PIGU: variants seen among roughly 807,000 people sequenced by gnomAD.
PIGU encodes the protein GPI-anchor transamidase component PIGU.
Under a neutral mutation model 49.9 loss-of-function variants are expected in PIGU, and 24 were observed. The observed-to-expected ratio is 0.48, with a 90% CI of 0.35 to 0.68. The LOEUF is 0.68. PIGU is among the 30% of genes least tolerant of loss of function. PIGU has a pLI of 0.01. For synonymous variants in PIGU, 220 were observed against 205.7 expected (o/e 1.07, Z -0.59); for missense variants, 490 against 532.6 (o/e 0.92, Z 0.79).
Position 34,650,462 on chromosome 20 carries a change from G to A in PIGU, c.196-5128C>T, listed in dbSNP as rs568738411. Among the ~76,000 whole-genome samples the A allele has an allele frequency of 8.6e-5, 13 of 151,554 alleles. No individual in the cohort carries two copies. The South Asian group carries it at 2.1e-3, about 24-fold the overall frequency. On this transcript the variant is annotated intron_variant, in intron 2 of 11. Coordinates refer to ENST00000217446, the MANE Select transcript of PIGU (RefSeq NM_080476.5). ...GTTTTTGTATTTTTGGTAGATACAG[G>A]GTTTCACCATGTTGGCCAGGCTGGT...
In PIGU at chr20:34,616,075, G is replaced by A; in HGVS notation, c.594C>T (p.Thr198=). Residue 198 remains threonine, a synonymous_variant, in exon 7 of 12, where the codon ACC becomes ACT. Coordinates refer to ENST00000217446, the MANE Select transcript of PIGU (RefSeq NM_080476.5). ...LATYQSLYPL[T]LFVPGLLYLL... ...GATAGAGGAGTCCTGGGACAAACAA[G>A]GTGAGTGGGTACAGAGACTGGTATG... 1 of 1,612,778 alleles carries A rather than the reference G, an allele frequency of 6.2e-7. No homozygotes were observed.
chr20:34,665,223 A>ATTTTTT (rs1987050840), intron 1 of PIGU, among the ~76,000 whole-genome samples: 1 of 21,374 alleles, frequency 4.7e-5, no homozygotes, highest in African/African-American at 1.7e-4. Flanking sequence ...TTTTTTTTTG[A>ATTTTTT]GACTGAGTCT....
At chr20:34,607,354 G>C (rs185941883) in intron 7 of PIGU, among the ~76,000 whole-genome samples, 133 of 152,262 alleles carry the variant, frequency 8.7e-4, no homozygotes, top group African/African-American at 3.0e-3. Flanking sequence ...AAAAACCCCA[G>C]GCTCCACTGG....
At chr20:34,585,342 G>C in intron 9 of PIGU, 95 bp downstream of exon 9, 1 of 1,405,624 alleles carries the variant, frequency 7.1e-7, no homozygotes, top group South Asian at 1.3e-5. Flanking sequence ...CTGACAGCAG[G>C]TGCTCCACAT....
chr20:34,637,679 T>C (rs1405542293), intron 5 of PIGU, among the ~76,000 whole-genome samples, 197 bp downstream of exon 5: 1 of 152,200 alleles, frequency 6.6e-6, no homozygotes, highest in African/African-American at 2.4e-5. Context: ...TGTGAGTCTT[T>C]GTCCCAAGAG....
At chr20:34,583,416 C>A (rs1183151282) in intron 9 of PIGU, among the ~76,000 whole-genome samples, 3 of 152,206 alleles carry the variant, frequency 2.0e-5, no homozygotes, top group Admixed American at 1.3e-4. Context: ...GCACTGGAAA[C>A]AAATCTTGCA....
intron 1 of PIGU, among the ~76,000 whole-genome samples, chr20:34,658,522 A>G (rs6142214): frequency 0.44 from 65,748 of 149,718 alleles, 14,968 homozygotes; most frequent in Admixed American, 0.58. Flanking sequence ...CTCTCTGCCC[A>G]GCCGCCATCC....
intron 7 of PIGU, among the ~76,000 whole-genome samples, chr20:34,589,417 G>A (rs753598392): frequency 1.3e-5 from 2 of 152,188 alleles, no homozygotes; most frequent in African/African-American, 2.4e-5. Flanking sequence ...GCAGTGGCAC[G>A]ATCTCGGCTC....
intron 11 of PIGU, among the ~76,000 whole-genome samples, chr20:34,565,125 C>T (rs1982689372): frequency 6.6e-6 from 1 of 152,198 alleles, no homozygotes; most frequent in Non-Finnish European, 1.5e-5. Flanking sequence ...GCGAGTTGGG[C>T]AAGGGGCTGT....
rs544384361 is a variant in PIGU at position 34,624,586 on chromosome 20, T to C, written c.530-8447A>G. Among the ~76,000 whole-genome samples, 21 of 152,340 alleles carry C rather than the reference T, an allele frequency of 1.4e-4. No homozygotes were observed. The South Asian group carries it at 3.7e-3, about 27-fold the overall frequency. ...ATATCTCGCTGTTGACAAACACCAATGGTGAAAAAGCAGGACCATCTATTA... is the reference window on the plus strand; with the variant it reads ...ATATCTCGCTGTTGACAAACACCAACGGTGAAAAAGCAGGACCATCTATTA... On this transcript the variant is annotated intron_variant, in intron 6 of 11. Transcript: ENST00000217446.
At chr20:34,569,199 G>C (rs1436429173) in intron 11 of PIGU, among the ~76,000 whole-genome samples, 5 of 151,622 alleles carry the variant, frequency 3.3e-5, no homozygotes, top group Non-Finnish European at 4.4e-5. Context: ...GCAAGACCCT[G>C]TCTCAAAAAG....
At chr20:34,628,455 T>C (rs189300727) in intron 6 of PIGU, among the ~76,000 whole-genome samples, 2 of 152,300 alleles carry the variant, frequency 1.3e-5, no homozygotes, top group East Asian at 1.9e-4. Flanking sequence ...TTAATTGTAA[T>C]ATTTAAACAG....
chr20:34,656,905 C>T (rs895951483), intron 2 of PIGU, among the ~76,000 whole-genome samples: 1 of 152,130 alleles, frequency 6.6e-6, no homozygotes, highest in Non-Finnish European at 1.5e-5. Flanking sequence ...AACCTATTTG[C>T]GGACTAAGGA....
chr20:34,616,000 A>G (rs772761602), intron 7 of PIGU, 42 bp downstream of exon 7: 1 of 1,577,402 alleles, frequency 6.3e-7, no homozygotes, highest in Admixed American at 1.9e-5. Context: ...GCCATGTATT[A>G]AATGTCACTT....
intron 6 of PIGU, among the ~76,000 whole-genome samples, chr20:34,629,018 CTTT>C (rs112907819): frequency 3.3e-4 from 47 of 141,214 alleles, no homozygotes; most frequent in Admixed American, 5.7e-4. Flanking sequence ...CCATGTGTAA[CTTT>C]TTTTTTTTTT....
intron 6 of PIGU, among the ~76,000 whole-genome samples, chr20:34,627,729 G>C (rs557801737): frequency 6.6e-6 from 1 of 152,180 alleles, no homozygotes; most frequent in African/African-American, 2.4e-5. Context: ...CTTCTGCCAG[G>C]CTGCTGCGTA....
intron 7 of PIGU, among the ~76,000 whole-genome samples, chr20:34,610,502 T>C (rs1984772992): frequency 6.6e-6 from 1 of 152,130 alleles, no homozygotes; most frequent in Non-Finnish European, 1.5e-5. Flanking sequence ...TTACAAGGGA[T>C]GTGAAGGACC....
intron 1 of PIGU, among the ~76,000 whole-genome samples, chr20:34,671,390 T>C (rs1987301773): frequency 6.6e-6 from 1 of 151,928 alleles, no homozygotes; most frequent in African/African-American, 2.4e-5. Flanking sequence ...ACCTCCCAAG[T>C]AGCTGGGATT....
At chr20:34,611,128 C>T (rs894918054) in intron 7 of PIGU, among the ~76,000 whole-genome samples, 1 of 152,174 alleles carries the variant, frequency 6.6e-6, no homozygotes, top group African/African-American at 2.4e-5. Context: ...CAGTACCATT[C>T]AGGACATAGG....
Sources: gnomAD v4.1 joint callset for allele counts (sites outside exome capture counted in the v4.1 genomes callset) on GRCh38, gnomAD v4.1.1 for gene constraint, MANE v1.5 for transcripts, NCBI Gene and HGNC (gene_info 2026-07-23, HGNC 2026-07-21) for gene names.